Variants in SHQ1 observed in about 807,000 individuals in gnomAD.
The protein encoded by SHQ1 is protein SHQ1 homolog.
Under a neutral mutation model 53.8 loss-of-function variants are expected in SHQ1, and 49 were observed. The ratio of observed to expected loss-of-function variants is 0.91; its 90% CI spans 0.72 to 1.16. The LOEUF is 1.16. Among genes scored for constraint, SHQ1 ranks in the 50% most tolerant of loss-of-function variants. SHQ1 has a pLI of 0.00. For missense variants in SHQ1, 738 were observed against 683.1 expected (o/e 1.08, Z -0.90); for synonymous variants, 243 against 251.0 (o/e 0.97, Z 0.30).
chr3:72,780,797 T>A (rs1380032248), intron 10 of SHQ1, among the ~76,000 whole-genome samples: 1 of 152,136 alleles, frequency 6.6e-6, no homozygotes, highest in Non-Finnish European at 1.5e-5. Flanking sequence ...TAAAGTAATA[T>A]CTCATCCATC....
intron 10 of SHQ1, chr3:72,772,593 A>T (rs991260616): frequency 2.8e-6 from 2 of 708,186 alleles, no homozygotes; most frequent in Non-Finnish European, 5.3e-6. Context: ...TGATTAAACT[A>T]AAAAACATTT....
Position 72,750,208 on chromosome 3 carries a change from A to G in SHQ1, c.*76T>C. 1 of 1,269,652 alleles carries G rather than the reference A, an allele frequency of 7.9e-7. No individual in the cohort carries two copies. Among genetic ancestry groups the G allele is most frequent in the Non-Finnish European group, 1.1e-6 (1 of 910,092 alleles). The allele number at this position is 1,269,652 out of a possible 1,614,324, so 78.6% of individuals were successfully genotyped here. A position where few individuals can be genotyped will look rare whatever the true frequency, so the allele number is the denominator to read the frequency against. On this transcript the variant is annotated 3_prime_UTR_variant, in exon 11 of 11. Transcript: ENST00000325599. Reference sequence around the variant, plus strand: ...ATATACTAAGAAAAATTACAAAGTGAAAATGAAGAATTCTCATTCGGTAAA... The same window carrying G: ...ATATACTAAGAAAAATTACAAAGTGGAAATGAAGAATTCTCATTCGGTAAA...
chr3:72,839,601 T>A (rs1309254908), intron 4 of SHQ1, among the ~76,000 whole-genome samples: 1 of 152,190 alleles, frequency 6.6e-6, no homozygotes, highest in Non-Finnish European at 1.5e-5. Context: ...ATCTCCACTT[T>A]CCAAAGAGGA....
rs1235844969 is a variant in SHQ1 at position 72,841,037 on chromosome 3, C to A, written c.486+8G>T. The A allele has an allele frequency of 1.2e-6, 2 of 1,603,052 alleles. No individual in the cohort carries two copies. Among genetic ancestry groups the A allele is most frequent in the African/African-American group, 2.7e-5 (2 of 74,290 alleles). On this transcript the variant is annotated splice_region_variant and intron_variant, in intron 4 of 10. Transcript: ENST00000325599. ...TATAGATCAAGATCTTTCAGAAAGA[C>A]AACATACCTGTAACCGTTGCAACAC...
intron 10 of SHQ1, among the ~76,000 whole-genome samples, chr3:72,779,274 C>A (rs1553375): frequency 0.027 from 4,177 of 152,172 alleles, 187 homozygotes; most frequent in African/African-American, 0.093. Flanking sequence ...CTCCTCCTGC[C>A]ACAGAGCCTT....
intron 10 of SHQ1, among the ~76,000 whole-genome samples, chr3:72,769,911 ATCTC>A (rs1705809399): frequency 6.6e-6 from 1 of 152,204 alleles, no homozygotes. Context: ...GGTTAACTTA[ATCTC>A]TCTGAGCCTC....
the SHQ1 span, among the ~76,000 whole-genome samples, chr3:72,732,138 C>T: frequency 2.5e-4 from 38 of 151,668 alleles, no homozygotes; most frequent in East Asian, 7.7e-4. Flanking sequence ...TAAAATCTCC[C>T]GGGCTCACTG....
At chr3:72,753,526 A>G in intron 10 of SHQ1, 1 of 985,382 alleles carries the variant, frequency 1.0e-6, no homozygotes, top group Non-Finnish European at 1.2e-6. Context: ...CCACAGAAGC[A>G]CCACTGCAGT....
chr3:72,833,754 G>A (rs1707910492), intron 4 of SHQ1, among the ~76,000 whole-genome samples: 1 of 152,212 alleles, frequency 6.6e-6, no homozygotes, highest in Non-Finnish European at 1.5e-5. Flanking sequence ...TGCCTAGGAT[G>A]CCATATGGTC....
chr3:72,777,752 G>A, intron 10 of SHQ1, among the ~76,000 whole-genome samples: 1 of 152,198 alleles, frequency 6.6e-6, no homozygotes, highest in Non-Finnish European at 1.5e-5. Context: ...AACACGTATA[G>A]TGATATCTGC....
At chr3:72,731,031 G>A in the SHQ1 span, among the ~76,000 whole-genome samples, 1 of 138,502 alleles carries the variant, frequency 7.2e-6, no homozygotes, top group African/African-American at 2.6e-5. Flanking sequence ...ACTGTGGCCA[G>A]AAGAACAGGG....
At chr3:72,804,754 C>A (rs1465271489) in intron 9 of SHQ1, among the ~76,000 whole-genome samples, 1 of 152,154 alleles carries the variant, frequency 6.6e-6, no homozygotes, top group African/African-American at 2.4e-5. Context: ...CTTTGGGAGG[C>A]TGAGGCAGGA....
intron 9 of SHQ1, among the ~76,000 whole-genome samples, chr3:72,806,845 C>A (rs1482275195): frequency 1.3e-5 from 2 of 152,128 alleles, no homozygotes; most frequent in African/African-American, 4.8e-5. Context: ...TTTTGAACTA[C>A]TTAATCCACA....
intron 10 of SHQ1, chr3:72,772,552 G>A (rs2106741301): frequency 1.5e-6 from 1 of 680,882 alleles, no homozygotes; most frequent in Admixed American, 1.8e-5. Context: ...TAGAGCATGG[G>A]AAGATTGGGC....
intron 10 of SHQ1, among the ~76,000 whole-genome samples, chr3:72,756,281 T>G (rs1023669265): frequency 1.3e-5 from 2 of 152,176 alleles, no homozygotes; most frequent in African/African-American, 4.8e-5. Context: ...TGGTTAGGTT[T>G]TTCTTGAGAC....
At chr3:72,787,763 G>T (rs575520615) in intron 10 of SHQ1, among the ~76,000 whole-genome samples, 1 of 146,538 alleles carries the variant, frequency 6.8e-6, no homozygotes, top group African/African-American at 2.6e-5. Flanking sequence ...CTCTGATGCC[G>T]AGCGGAGGCT....
At chr3:72,848,160 G>C (rs775287757) in intron 1 of SHQ1, 38 bp downstream of exon 1, 10 of 1,612,806 alleles carry the variant, frequency 6.2e-6, no homozygotes, top group Admixed American at 1.7e-5. Flanking sequence ...GCTATCTAAC[G>C]AATGCGCCTT....
chr3:72,832,010 T>C (rs936359833), intron 5 of SHQ1, among the ~76,000 whole-genome samples: 1 of 152,236 alleles, frequency 6.6e-6, no homozygotes, highest in Non-Finnish European at 1.5e-5. Flanking sequence ...TTAAAGAAAT[T>C]GAAACATATT....
chr3:72,730,600 T>C, the SHQ1 span, among the ~76,000 whole-genome samples: 4 of 152,168 alleles, frequency 2.6e-5, no homozygotes, highest in South Asian at 8.3e-4. Flanking sequence ...AGTCCCTACT[T>C]TTCTCTCCTG....
Sources: allele counts gnomAD v4.1 joint callset (sites outside exome capture counted in the v4.1 genomes callset), GRCh38; gene constraint gnomAD v4.1.1; transcripts MANE v1.5; gene names NCBI Gene and HGNC (gene_info 2026-07-23, HGNC 2026-07-21).